The following KCNK10 variants were observed in gnomAD, a reference collection of about 807,000 sequenced individuals.
KCNK10 encodes the protein potassium channel subfamily K member 10.
In KCNK10, 25 loss-of-function variants were observed where a neutral mutation model predicts 47.7. The observed-to-expected ratio is 0.52, with a 90% CI of 0.38 to 0.73. KCNK10 has a LOEUF of 0.73. Ranked by LOEUF, KCNK10 falls within the 30% of genes least tolerant of loss-of-function variation. KCNK10 has a pLI of 0.00. For missense variants in KCNK10, 563 were observed against 714.5 expected (o/e 0.79, Z 2.42); for synonymous variants, 303 against 285.6 (o/e 1.06, Z -0.61).
At position 88,185,443 on chromosome 14, in the gene KCNK10, A is replaced by C. The variant is rs1303487703; in HGVS notation, c.*92T>G. ...CAATGCTATGTAATTTTGGACTAAA[A>C]AGTCTGTTTAAGGCACATGTCTCAG... On this transcript the variant is annotated 3_prime_UTR_variant, in exon 7 of 7. Transcript: ENST00000319231. This position sits in a 1 kb window ranked among gnomAD's most constrained non-coding sequence, Gnocchi z 4.3. 6.7e-7 allele frequency: 1 copy of C among 1,500,984 alleles called. No homozygotes were observed. Among genetic ancestry groups the C allele is most frequent in the Non-Finnish European group, 8.9e-7 (1 of 1,121,652 alleles). The allele number at this position is 1,500,984 out of a possible 1,614,324, so 93.0% of individuals were successfully genotyped here.
chr14:88,231,613 T>C (rs1886161314), intron 3 of KCNK10, among the ~76,000 whole-genome samples: 1 of 152,256 alleles, frequency 6.6e-6, no homozygotes, highest in East Asian at 1.9e-4. Flanking sequence ...TTAGAAAAGC[T>C]AGTTACGGGG....
At position 88,260,551 on chromosome 14, in the gene KCNK10, T is replaced by C. The variant is rs1404711907; in HGVS notation, c.402+2651A>G. Among the ~76,000 whole-genome samples, 1 of 152,208 alleles carries C rather than the reference T, an allele frequency of 6.6e-6. No individual in the cohort carries two copies. The highest frequency in any genetic ancestry group is 2.4e-5 in the African/African-American group (1 of 41,462). Reference sequence around the variant, plus strand: ...AACCAAGATCTACTTAAAGGGCCTGTAGACTATTTGGATGAGAGAGTGTAC... The same window carrying C: ...AACCAAGATCTACTTAAAGGGCCTGCAGACTATTTGGATGAGAGAGTGTAC... On this transcript the variant is annotated intron_variant, in intron 2 of 6. Coordinates refer to ENST00000319231, the MANE Select transcript of KCNK10 (RefSeq NM_138317.3). This position sits in a 1 kb window ranked among gnomAD's most constrained non-coding sequence, Gnocchi z 4.5.
At chr14:88,270,834 T>G in intron 1 of KCNK10, 1 of 781,000 alleles carries the variant, frequency 1.3e-6, no homozygotes, top group Admixed American at 1.7e-5. Context: ...GGTGTCAGTG[T>G]GATCACATGG....
At chr14:88,238,136 T>C (rs2139886457) in intron 3 of KCNK10, among the ~76,000 whole-genome samples, 1 of 152,322 alleles carries the variant, frequency 6.6e-6, no homozygotes, top group Non-Finnish European at 1.5e-5. Context: ...ACCTTAAATG[T>C]CATAAACCAA....
chr14:88,322,647 GAC>G lies in KCNK10; in HGVS notation c.52+98_52+99del. 6.5e-7 allele frequency: 1 copy of G among 1,529,360 alleles called. No individual in the cohort carries two copies. The highest frequency in any genetic ancestry group is 9.0e-7 in the Non-Finnish European group (1 of 1,105,472). The allele number at this position is 1,529,360 out of a possible 1,614,324, so 94.7% of individuals were successfully genotyped here. On this transcript the variant is annotated intron_variant, in intron 1 of 6. Coordinates refer to ENST00000319231, the MANE Select transcript of KCNK10 (RefSeq NM_138317.3). This position sits in a 1 kb window ranked among gnomAD's most constrained non-coding sequence, Gnocchi z 4.8. ...TCCCAGGCGCATTTCCCAGCCTCAG[GAC>G]ACACGCTGCCAGAAGCAAGAGTGCT...
At chr14:88,259,676 C>T (rs10132186) in intron 2 of KCNK10, among the ~76,000 whole-genome samples, 2,338 of 152,268 alleles carry the variant, frequency 0.015, 57 homozygotes, top group African/African-American at 0.054. Context: ...AGACTGGTCT[C>T]GAACTGCTGG....
chr14:88,221,372 T>C (rs1885804730), intron 4 of KCNK10, among the ~76,000 whole-genome samples: 1 of 151,316 alleles, frequency 6.6e-6, no homozygotes, highest in Admixed American at 6.6e-5. Context: ...AAGAAACAAA[T>C]AGCTCAATTA....
chr14:88,234,260 G>A (rs1886234639), intron 3 of KCNK10, among the ~76,000 whole-genome samples: 1 of 152,214 alleles, frequency 6.6e-6, no homozygotes, highest in African/African-American at 2.4e-5. Context: ...AGACCCACTG[G>A]TGTCATGGGC....
chr14:88,211,245 G>C (rs1885448173), intron 4 of KCNK10, among the ~76,000 whole-genome samples: 2 of 152,196 alleles, frequency 1.3e-5, no homozygotes, highest in African/African-American at 4.8e-5. Context: ...AGTGAAATAG[G>C]CCAGACACAA....
intron 4 of KCNK10, among the ~76,000 whole-genome samples, chr14:88,202,742 G>A (rs1276546870): frequency 6.7e-6 from 1 of 148,384 alleles, no homozygotes; most frequent in Non-Finnish European, 1.5e-5. Context: ...TCAGCCTGGA[G>A]CAAAAGTACA....
At chr14:88,283,401 T>C (rs552121047) in intron 1 of KCNK10, among the ~76,000 whole-genome samples, 9 of 152,294 alleles carry the variant, frequency 5.9e-5, no homozygotes, top group Non-Finnish European at 8.8e-5. Context: ...GTAATACAGA[T>C]TTGCCGGTAG....
rs137973237 is a variant in KCNK10 at position 88,212,365 on chromosome 14, G to A, written c.681+15010C>T. On this transcript the variant is annotated intron_variant, in intron 4 of 6. Transcript: ENST00000319231. ...TGAGGCAGAAGAATCACTTGAACCCGGGAGGCAGAGGTTGCGGTGAGCCAA... is the reference window on the plus strand; with the variant it reads ...TGAGGCAGAAGAATCACTTGAACCCAGGAGGCAGAGGTTGCGGTGAGCCAA... Among the ~76,000 whole-genome samples the A allele has an allele frequency of 9.4e-3, 1,427 of 151,840 alleles. 9 individuals are homozygous for A. Among genetic ancestry groups the A allele is most frequent in the Non-Finnish European group, 0.015 (999 of 67,938 alleles).
chr14:88,273,895 T>A lies in KCNK10; in HGVS notation c.53-10344A>T, dbSNP rs1176635380. Among the ~76,000 whole-genome samples, 4 of 152,210 alleles carry A rather than the reference T, an allele frequency of 2.6e-5. No individual in the cohort carries two copies. The South Asian group carries it at 8.3e-4, about 32-fold the overall frequency. On this transcript the variant is annotated intron_variant, in intron 1 of 6. Coordinates refer to ENST00000319231, the MANE Select transcript of KCNK10 (RefSeq NM_138317.3). ...ATCCTCCTCTTGGGATTAAAAGTAA[T>A]ACAAGCAGTCATAGTTCTCAAAATA...
At chr14:88,258,806 G>C (rs1395196656) in intron 2 of KCNK10, among the ~76,000 whole-genome samples, 1 of 152,158 alleles carries the variant, frequency 6.6e-6, no homozygotes, top group Admixed American at 6.5e-5. Context: ...CCATGAAGTG[G>C]TCTTACTTGT....
chr14:88,290,889 T>G lies in KCNK10; in HGVS notation c.53-27338A>C, dbSNP rs935504698. On this transcript the variant is annotated intron_variant, in intron 1 of 6. Coordinates refer to ENST00000319231, the MANE Select transcript of KCNK10 (RefSeq NM_138317.3). ...AAAAAAAAGGCACCCACCATGCAAG[T>G]TGTGCAGAAGCAAAGCATTCACCAG... 2.6e-5 allele frequency among the ~76,000 whole-genome samples: 4 copies of G among 152,108 alleles called. No homozygotes were observed. In the East Asian group the frequency reaches 5.8e-4, roughly 22 times the overall value.
intron 2 of KCNK10, among the ~76,000 whole-genome samples, chr14:88,246,500 A>C (rs1850206220): frequency 2.0e-5 from 3 of 152,198 alleles, no homozygotes; most frequent in African/African-American, 7.2e-5. Flanking sequence ...TGCTTGCCAC[A>C]ATTACTTTTT....
chr14:88,211,912 AT>A (rs1416778545), intron 4 of KCNK10, among the ~76,000 whole-genome samples: 1 of 146,178 alleles, frequency 6.8e-6, no homozygotes, highest in Non-Finnish European at 1.5e-5. Flanking sequence ...AAAAAAAAAA[AT>A]CTTTGTAACA....
In KCNK10 at chr14:88,191,276, C is replaced by CAA. The variant is rs60577505; in HGVS notation, c.868+946_868+947dup. On this transcript the variant is annotated intron_variant, in intron 5 of 6. Transcript: ENST00000319231. Reference sequence around the variant, plus strand: ...AAAAAAACAAAAACAAAAACAAAAACAAAAAAAAACAGTCTGCTTAGGGCT... The same window carrying CAA: ...AAAAAAACAAAAACAAAAACAAAAACAAAAAAAAAAACAGTCTGCTTAGGGCT... Among the ~76,000 whole-genome samples the CAA allele has an allele frequency of 7.4e-5, 11 of 147,662 alleles. No homozygotes were observed. In the South Asian group the frequency reaches 1.3e-3, roughly 17 times the overall value.
chr14:88,282,212 C>A (rs1479729938), intron 1 of KCNK10, among the ~76,000 whole-genome samples: 1 of 152,178 alleles, frequency 6.6e-6, no homozygotes, highest in Non-Finnish European at 1.5e-5. Flanking sequence ...TAGATATCAA[C>A]TAGTCCAACC....
Sources: gnomAD v4.1 joint callset for allele counts (sites outside exome capture counted in the v4.1 genomes callset) on GRCh38, gnomAD v4.1.1 for gene constraint, Gnocchi (gnomAD v3.1) non-coding constraint, MANE v1.5 for transcripts, NCBI Gene and HGNC (gene_info 2026-07-23, HGNC 2026-07-21) for gene names.